DNAH9: variants seen among roughly 807,000 people sequenced by gnomAD.
DNAH9 encodes dynein axonemal heavy chain 9, also known as DNAH9 variant protein.
DNAH9 carries 345 observed loss-of-function variants against 471.6 expected under a neutral mutation model. The ratio of observed to expected loss-of-function variants is 0.73; its 90% CI spans 0.67 to 0.80. The LOEUF (loss-of-function observed/expected upper bound fraction) is 0.80, where lower values mean the gene tolerates loss of function less well. DNAH9 is among the 30% of genes least tolerant of loss of function. DNAH9 has a pLI of 0.00. For missense variants in DNAH9, 5,407 were observed against 5,609.2 expected, an observed-to-expected ratio of 0.96 and a Z score of 1.15; for synonymous variants, 2,093 against 2,123.6, an observed-to-expected ratio of 0.99 and a Z score of 0.40.
chr17:11,921,985 C>T (rs1974153162), intron 61 of DNAH9, among the ~76,000 whole-genome samples: 2 of 152,176 alleles, frequency 1.3e-5, no homozygotes, highest in African/African-American at 4.8e-5. Flanking sequence ...ATCTAAAAGT[C>T]CCAACACTTT....
chr17:11,689,601 C>T lies in DNAH9; in HGVS notation c.3779C>T (p.Ala1260Val). ...DSIHPHQMLDARHIEIQQMES... is the reference protein window; with the variant it reads ...DSIHPHQMLDVRHIEIQQMES... ...ATCCACCCTCATCAAATGCTGGATGCCAGGCACATCGAGATCCAGCAGATG... is the reference window on the plus strand; with the variant it reads ...ATCCACCCTCATCAAATGCTGGATGTCAGGCACATCGAGATCCAGCAGATG... The change falls in exon 20 of 69, where the codon GCC becomes GTC. Residue 1260 changes from alanine (A) to valine (V), a missense_variant. Ala to Val is a moderately conservative substitution (Grantham distance 64, BLOSUM62 0). This residue lies in a region of DNAH9 where 4,636 missense variants were observed against 4,900.3 expected (regional missense o/e 0.95). Coordinates refer to ENST00000262442, the MANE Select transcript of DNAH9 (RefSeq NM_001372.4). 6.2e-7 allele frequency: 1 copy of T among 1,613,758 alleles called. No homozygotes were observed. The highest frequency in any genetic ancestry group is 8.5e-7 in the Non-Finnish European group (1 of 1,179,824).
chr17:11,956,375 A>C (rs1975641987), intron 67 of DNAH9, among the ~76,000 whole-genome samples: 1 of 152,174 alleles, frequency 6.6e-6, no homozygotes, highest in African/African-American at 2.4e-5. Context: ...AGAAGAAATA[A>C]ACAAATCCAT....
At chr17:11,766,249 A>G (rs1167415044) in intron 36 of DNAH9, among the ~76,000 whole-genome samples, 1 of 152,078 alleles carries the variant, frequency 6.6e-6, no homozygotes, top group African/African-American at 2.4e-5. Context: ...AAAAACTGTC[A>G]TAAAAGCAAA....
intron 61 of DNAH9, among the ~76,000 whole-genome samples, chr17:11,918,352 C>T (rs1242956343): frequency 6.6e-6 from 1 of 152,134 alleles, no homozygotes; most frequent in Non-Finnish European, 1.5e-5. Flanking sequence ...TTGCCTCAGC[C>T]TCCCAGGTAG....
rs1974456364 is a variant in DNAH9, at chr17:11,930,057, T to C, written c.12069T>C (p.His4023=). ...CCAATGAGCCCCCCACGGGCATGCATGCCAACCTGCACAAGGCCCTGGACA... is the reference window on the plus strand; with the variant it reads ...CCAATGAGCCCCCCACGGGCATGCACGCCAACCTGCACAAGGCCCTGGACA... ...KITNEPPTGM[H]ANLHKALDNF... The change falls in exon 63 of 69, where the codon CAT becomes CAC. Residue 4023 remains histidine (H), a synonymous_variant. Transcript: ENST00000262442. 6.2e-7 allele frequency: 1 copy of C among 1,614,116 alleles called. No homozygotes were observed. Among genetic ancestry groups the C allele is most frequent in the African/African-American group, 1.3e-5 (1 of 75,046 alleles).
At chr17:11,685,492 T>TG (rs1297305328) in intron 19 of DNAH9, among the ~76,000 whole-genome samples, 2 of 151,996 alleles carry the variant, frequency 1.3e-5, no homozygotes, top group Non-Finnish European at 2.9e-5. Flanking sequence ...GAGAACAGAA[T>TG]GGGGCAAGGT....
chr17:11,769,398 C>G (rs1335871008), intron 38 of DNAH9, 69 bp downstream of exon 38: 1 of 1,426,502 alleles, frequency 7.0e-7, no homozygotes, highest in Non-Finnish European at 9.6e-7. Flanking sequence ...AGAGCTGAAG[C>G]CAAGCGTCAG....
In DNAH9 at chr17:11,931,319, G is replaced by A. The variant is rs761539298; in HGVS notation, c.12106-695G>A. Among the ~76,000 whole-genome samples, 43 of 152,332 alleles carry A rather than the reference G, an allele frequency of 2.8e-4. 1 individual carries two copies. The highest frequency in any genetic ancestry group is 6.8e-3 in the Middle Eastern group (2 of 294). ...TCCCAGAAGCCCTGCCAGCTCACAT[G>A]TGTCAGATGGGTCATGCAGGTTATT... On this transcript the variant is annotated intron_variant, in intron 63 of 68. Transcript: ENST00000262442.
chr17:11,754,794 T>C (rs114129519), intron 33 of DNAH9, among the ~76,000 whole-genome samples: 2,484 of 152,296 alleles, frequency 0.016, 34 homozygotes, highest in African/African-American at 0.035. Flanking sequence ...GTTCACTCTA[T>C]TGATCATTTC....
At chr17:11,735,004 G>C (rs1191201005) in intron 28 of DNAH9, among the ~76,000 whole-genome samples, 8 of 152,164 alleles carry the variant, frequency 5.3e-5, no homozygotes, top group African/African-American at 1.7e-4. Flanking sequence ...CACCTCATTG[G>C]ACCCCATTCC....
intron 28 of DNAH9, among the ~76,000 whole-genome samples, chr17:11,729,113 T>G (rs1255190199): frequency 6.6e-6 from 1 of 152,294 alleles, no homozygotes; most frequent in African/African-American, 2.4e-5. Flanking sequence ...CCCCTCTATT[T>G]GCCAGCAATA....
intron 26 of DNAH9, among the ~76,000 whole-genome samples, chr17:11,716,522 C>T (rs927849917): frequency 3.9e-5 from 6 of 152,156 alleles, no homozygotes; most frequent in South Asian, 2.1e-4. Context: ...AAATCCCTTC[C>T]ATCTCTGGAG....
chr17:11,823,656 G>A (rs1970391769), intron 48 of DNAH9, among the ~76,000 whole-genome samples: 1 of 152,188 alleles, frequency 6.6e-6, no homozygotes, highest in Non-Finnish European at 1.5e-5. Flanking sequence ...TGTCGGCCGG[G>A]CACGGTGGCT....
At chr17:11,784,795 C>A (rs1446771030) in intron 41 of DNAH9, among the ~76,000 whole-genome samples, 1 of 152,108 alleles carries the variant, frequency 6.6e-6, no homozygotes, top group African/African-American at 2.4e-5. Flanking sequence ...TCCCTGGGGG[C>A]TGCAGAAGGC....
chr17:11,933,840 G>A (rs1377431383), intron 64 of DNAH9, 40 bp from the exon 65 acceptor site: 5 of 1,580,218 alleles, frequency 3.2e-6, no homozygotes, highest in South Asian at 1.2e-5. Context: ...CTGTGTGGAG[G>A]TCTTTCTTCC....
At chr17:11,704,583 T>A (rs1277304682) in intron 25 of DNAH9, 141 bp downstream of exon 25, 7 of 121,368 alleles carry the variant, frequency 5.8e-5, no homozygotes, top group Non-Finnish European at 8.0e-5. Context: ...CTGCTCCTAC[T>A]TTTTTTTTTT....
intron 27 of DNAH9, among the ~76,000 whole-genome samples, chr17:11,722,642 A>C (rs1460975668): frequency 1.3e-5 from 2 of 152,182 alleles, no homozygotes; most frequent in Non-Finnish European, 2.9e-5. Flanking sequence ...TATAAGCCGC[A>C]TCACCTCAGT....
chr17:11,899,942 T>C (rs1001800674), intron 59 of DNAH9, among the ~76,000 whole-genome samples: 5 of 152,232 alleles, frequency 3.3e-5, no homozygotes, highest in African/African-American at 1.2e-4. Flanking sequence ...CTCACAGTCT[T>C]GTGGGAGTAA....
chr17:11,646,997 T>C, intron 11 of DNAH9, 75 bp from the exon 12 acceptor site: 1 of 1,504,342 alleles, frequency 6.6e-7, no homozygotes, highest in Non-Finnish European at 9.1e-7. Flanking sequence ...CTTCAATTTA[T>C]GTTACAGATC....
Sources: gnomAD v4.1 joint callset for allele counts (sites outside exome capture counted in the v4.1 genomes callset) on GRCh38, gnomAD v4.1.1 for gene constraint, gnomAD v4.1.1 regional missense constraint, MANE v1.5 for transcripts, NCBI Gene and HGNC (gene_info 2026-07-23, HGNC 2026-07-21) for gene names.